TSPAN18: variants seen among roughly 807,000 people sequenced by gnomAD.
TSPAN18 encodes tetraspanin-18.
A neutral mutation model predicts 27.3 loss-of-function variants in TSPAN18; 14 were observed. The ratio of observed to expected loss-of-function variants is 0.51; its 90% CI spans 0.34 to 0.80. The LOEUF (loss-of-function observed/expected upper bound fraction) is 0.80, where lower values mean the gene tolerates loss of function less well. Among genes scored for constraint, TSPAN18 ranks in the 30% least tolerant of loss-of-function variants. The pLI is 0.01. For missense variants in TSPAN18, 268 were observed against 323.9 expected (o/e 0.83, Z 1.32); for synonymous variants, 143 against 136.5 (o/e 1.05, Z -0.33).
At chr11:44,859,942 C>T (rs941948865) in intron 2 of TSPAN18, among the ~76,000 whole-genome samples, 3 of 152,210 alleles carry the variant, frequency 2.0e-5, no homozygotes, top group African/African-American at 7.2e-5. Context: ...AGAAACTTCT[C>T]TCCAATCTGC....
At chr11:44,896,392 G>A (rs1859051450) in intron 3 of TSPAN18, among the ~76,000 whole-genome samples, 1 of 152,096 alleles carries the variant, frequency 6.6e-6, no homozygotes, top group South Asian at 2.1e-4. Flanking sequence ...CCATTGTACT[G>A]TGGGGATGAT....
intron 2 of TSPAN18, among the ~76,000 whole-genome samples, chr11:44,815,914 A>G (rs1430078814): frequency 6.6e-6 from 1 of 152,196 alleles, no homozygotes; most frequent in Non-Finnish European, 1.5e-5. Context: ...CAGAGGGAGC[A>G]GAGCAGATGA....
chr11:44,736,389 CA>C (rs1418226105), intron 1 of TSPAN18: 3 of 152,248 alleles, frequency 2.0e-5, no homozygotes, highest in African/African-American at 7.2e-5. Flanking sequence ...GCACCATTTG[CA>C]TTCTTTCAAC....
chr11:44,742,619 A>C (rs961613212), intron 1 of TSPAN18, among the ~76,000 whole-genome samples: 4 of 152,014 alleles, frequency 2.6e-5, no homozygotes, highest in African/African-American at 9.7e-5. Flanking sequence ...CTCGTGTCTC[A>C]AGCTTCTTCC....
chr11:44,926,509 TG>T, intron 8 of TSPAN18, 164 bp from the exon 9 acceptor site: 1 of 663,500 alleles, frequency 1.5e-6, no homozygotes. Flanking sequence ...TCGCTGTTTC[TG>T]GGTCTCCTGC....
rs191265155 is a variant in TSPAN18, at chr11:44,761,224, A to C, written c.-239-3202A>C. Among the ~76,000 whole-genome samples the C allele has an allele frequency of 2.5e-3, 376 of 152,358 alleles. 2 individuals are homozygous for C. Among genetic ancestry groups the C allele is most frequent in the African/African-American group, 8.7e-3 (361 of 41,590 alleles). ...GGTTGTCGGGACTTCCCAAAGCCCA[A>C]GACTAATCGGGTCAAGGGTGACCCC... On this transcript the variant is annotated intron_variant, in intron 1 of 9. Coordinates refer to ENST00000520358, the MANE Select transcript of TSPAN18 (RefSeq NM_130783.5).
chr11:44,839,841 G>A (rs1303154968), intron 2 of TSPAN18, among the ~76,000 whole-genome samples: 1 of 152,162 alleles, frequency 6.6e-6, no homozygotes. Context: ...AGGTGAGCGT[G>A]ACTTGTTGAT....
At chr11:44,911,816 G>C (rs1455614054) in intron 5 of TSPAN18, among the ~76,000 whole-genome samples, 1 of 152,108 alleles carries the variant, frequency 6.6e-6, no homozygotes, top group African/African-American at 2.4e-5. Flanking sequence ...GCTATGCGAG[G>C]CAGGACTGAG....
chr11:44,753,658 G>A (rs745596251), intron 1 of TSPAN18, among the ~76,000 whole-genome samples: 3 of 152,278 alleles, frequency 2.0e-5, no homozygotes, highest in Non-Finnish European at 4.4e-5. Flanking sequence ...TGATCCCATC[G>A]TCCCAAGCAT....
At chr11:44,798,270 G>A (rs145187210) in intron 2 of TSPAN18, among the ~76,000 whole-genome samples, 1 of 152,174 alleles carries the variant, frequency 6.6e-6, no homozygotes, top group Non-Finnish European at 1.5e-5. Context: ...TTAAACTCCC[G>A]AGCAATGTGG....
chr11:44,840,096 C>A (rs1190551152), intron 2 of TSPAN18, among the ~76,000 whole-genome samples: 1 of 152,208 alleles, frequency 6.6e-6, no homozygotes, highest in East Asian at 1.9e-4. Context: ...TCGGCCAAGT[C>A]CTCCACAGAG....
Position 44,906,265 on chromosome 11 carries a change from T to G in TSPAN18, c.-10-142T>G, listed in dbSNP as rs990110894. ...AAACCCAGGCAGGCTGGCTCCAGCA[T>G]GCTCATCTCTATCATCGGCCTCCAT... On this transcript the variant is annotated intron_variant, in intron 3 of 9. Transcript: ENST00000520358. 4 of 779,680 alleles carry G rather than the reference T, an allele frequency of 5.1e-6. No homozygotes were observed. The African/African-American group carries it at 5.2e-5, about 10-fold the overall frequency. 48.3% of individuals were successfully genotyped at this position (779,680 alleles called of 1,614,324 possible). A position where few individuals can be genotyped will look rare whatever the true frequency, so the allele number is the denominator to read the frequency against.
chr11:44,911,475 A>T (rs1257973774), intron 5 of TSPAN18, among the ~76,000 whole-genome samples: 4 of 152,198 alleles, frequency 2.6e-5, no homozygotes, highest in African/African-American at 9.7e-5. Flanking sequence ...TGCAGACTTC[A>T]TTTGAAGAGA....
intron 3 of TSPAN18, among the ~76,000 whole-genome samples, chr11:44,882,509 G>A (rs551943699): frequency 8.6e-5 from 13 of 151,850 alleles, no homozygotes; most frequent in Middle Eastern, 3.4e-3. Flanking sequence ...TCCCGGGTGC[G>A]GTGTGCTTTA....
In TSPAN18 at chr11:44,926,732, T is replaced by C. The variant is rs757869499; in HGVS notation, c.674T>C (p.Leu225Pro). 3.7e-6 allele frequency: 6 copies of C among 1,614,166 alleles called. No homozygotes were observed. The highest frequency in any genetic ancestry group is 4.2e-6 in the Non-Finnish European group (5 of 1,180,002). Residue 225 changes from leucine to proline, a missense_variant, in exon 9 of 10, where the codon CTT (leucine) becomes CCT (proline). Transcript: ENST00000520358. ...FETYVYLAGALAIGVLAIELF... is the reference protein window; with the variant it reads ...FETYVYLAGAPAIGVLAIELF... ...ACCTACGTCTACTTGGCCGGAGCCC[T>C]TGCCATCGGGGTACTGGCCATCGAG...
In TSPAN18 at chr11:44,929,315, AG is replaced by A. The variant is rs1383809105; in HGVS notation, c.*141del. Reference sequence around the variant, plus strand: ...ATCAGAGATGGCCAGGAGAAGGGCCAGGGGAATAGAGCTATTTTTTTAACAA... The same window carrying A: ...ATCAGAGATGGCCAGGAGAAGGGCCAGGGAATAGAGCTATTTTTTTAACAA... On this transcript the variant is annotated 3_prime_UTR_variant, in exon 10 of 10. Coordinates refer to ENST00000520358, the MANE Select transcript of TSPAN18 (RefSeq NM_130783.5). The A allele has an allele frequency of 1.0e-6, 1 of 993,260 alleles. No individual in the cohort carries two copies. Among genetic ancestry groups the A allele is most frequent in the African/African-American group, 1.6e-5 (1 of 60,964 alleles). 61.5% of individuals were successfully genotyped at this position (993,260 alleles called of 1,614,324 possible).
chr11:44,915,105 C>T (rs1344008368), intron 5 of TSPAN18, among the ~76,000 whole-genome samples: 1 of 152,226 alleles, frequency 6.6e-6, no homozygotes, highest in Non-Finnish European at 1.5e-5. Flanking sequence ...GGCTGGTGGG[C>T]ACGCCAGCTC....
intron 1 of TSPAN18, chr11:44,736,530 A>G (rs1004095509): frequency 2.0e-5 from 3 of 152,098 alleles, no homozygotes; most frequent in African/African-American, 7.2e-5. Flanking sequence ...GACTTTTGCA[A>G]TTTGGGCTTC....
chr11:44,743,477 C>G (rs1565130055), intron 1 of TSPAN18, among the ~76,000 whole-genome samples: 1 of 152,200 alleles, frequency 6.6e-6, no homozygotes, highest in Non-Finnish European at 1.5e-5. Context: ...CTTGGGGCAT[C>G]CTTGTCCTTC....
Sources: allele counts gnomAD v4.1 joint callset (sites outside exome capture counted in the v4.1 genomes callset), GRCh38; gene constraint gnomAD v4.1.1; transcripts MANE v1.5; gene names NCBI Gene and HGNC (gene_info 2026-07-23, HGNC 2026-07-21).